Variants in CRB1 observed in about 807,000 individuals in gnomAD.
CRB1 encodes the protein protein crumbs homolog 1.
CRB1 carries 83 observed loss-of-function variants against 120.0 expected under a neutral mutation model. That is an observed-to-expected ratio of 0.69 (90% confidence interval 0.58 to 0.83). CRB1 has a LOEUF of 0.83. CRB1 is among the 40% of genes least tolerant of loss of function. The pLI is 0.00. For synonymous variants in CRB1, 625 were observed against 612.5 expected (o/e 1.02, Z -0.30); for missense variants, 1,699 against 1,687.6 (o/e 1.01, Z -0.12).
intron 4 of CRB1, among the ~76,000 whole-genome samples, chr1:197,354,487 T>A (rs1660316133): frequency 1.3e-5 from 2 of 152,118 alleles, no homozygotes; most frequent in Non-Finnish European, 2.9e-5. Context: ...TTCTTCTTTC[T>A]GGTGGGTTCG....
intron 1 of CRB1, among the ~76,000 whole-genome samples, chr1:197,303,589 T>C (rs1657002010): frequency 2.6e-5 from 4 of 151,624 alleles, no homozygotes; most frequent in African/African-American, 9.7e-5. Context: ...TGTCAAGTCA[T>C]CTCAAAGTCA....
intron 10 of CRB1, chr1:197,441,950 G>T: frequency 1.7e-6 from 1 of 591,386 alleles, no homozygotes; most frequent in Non-Finnish European, 3.0e-6. Context: ...GTGTGTATAT[G>T]TATATATATG....
chr1:197,201,631 G>A, the CRB1 span, among the ~76,000 whole-genome samples: 1 of 152,208 alleles, frequency 6.6e-6, no homozygotes, highest in Non-Finnish European at 1.5e-5. Context: ...AGGGGAGGAT[G>A]GACGCAGAGT....
Position 197,466,992 on chromosome 1 carries a change from A to T in CRB1, c.4006-10672A>T, listed in dbSNP as rs1666774853. On this transcript the variant is annotated intron_variant, in intron 11 of 11. Transcript: ENST00000367400. The stretch of plus-strand genomic sequence containing the variant: ...GAAACTAACATGTGATGTGATCCAT[A>T]TCTTAGTGTCTGGGAGAGGAGATAA... 2.6e-5 allele frequency among the ~76,000 whole-genome samples: 4 copies of T among 152,310 alleles called. No homozygotes were observed. In the South Asian group the frequency reaches 8.3e-4, roughly 32 times the overall value.
intron 11 of CRB1, among the ~76,000 whole-genome samples, chr1:197,463,729 C>T (rs1685702787): frequency 6.6e-6 from 1 of 152,094 alleles, no homozygotes. Flanking sequence ...ATCTAAAATG[C>T]CAGAAAATAT....
chr1:197,235,374 A>T, the CRB1 span, among the ~76,000 whole-genome samples: 3 of 152,190 alleles, frequency 2.0e-5, no homozygotes, highest in Non-Finnish European at 2.9e-5. Flanking sequence ...GAAAGAGGTT[A>T]TTGAGCCAGA....
At chr1:197,251,590 G>C in the CRB1 span, among the ~76,000 whole-genome samples, 2 of 151,960 alleles carry the variant, frequency 1.3e-5, no homozygotes, top group African/African-American at 4.8e-5. Flanking sequence ...CTTTTGTCAT[G>C]GCAAATGAAA....
rs111761880 is a variant in CRB1, at chr1:197,477,688, A to G, written c.4030A>G (p.Ile1344Val). ...GTTGGCAGATGACTTGATCTCCGAC[A>G]TTTTCACCACTATTGGCTCAGTGAC... The part of the protein sequence containing the change: ...VDLADDLISD[I>V]FTTIGSVTVA... Residue 1344 changes from isoleucine (I) to valine (V), a missense_variant, in exon 12 of 12, where the codon ATT (isoleucine) becomes GTT (valine). Ile to Val is a conservative substitution (Grantham distance 29, BLOSUM62 3). Transcript: ENST00000367400. 37 of 1,613,790 alleles carry G rather than the reference A, an allele frequency of 2.3e-5. 2 individuals are homozygous for G. The African/African-American group carries it at 4.1e-4, about 18-fold the overall frequency.
chr1:197,294,965 T>C (rs531123613), intron 1 of CRB1, among the ~76,000 whole-genome samples: 1 of 151,766 alleles, frequency 6.6e-6, no homozygotes, highest in South Asian at 2.1e-4. Flanking sequence ...AAATGACGAG[T>C]TAATGGGTGC....
chr1:197,228,375 C>T, the CRB1 span, among the ~76,000 whole-genome samples: 7 of 152,162 alleles, frequency 4.6e-5, no homozygotes, highest in Non-Finnish European at 1.0e-4. Context: ...GAAATTTCTT[C>T]CACCAGATAC....
intron 4 of CRB1, 78 bp downstream of exon 4, chr1:197,347,557 A>C: frequency 7.0e-7 from 1 of 1,431,010 alleles, no homozygotes; most frequent in East Asian, 2.3e-5. Context: ...AATGAAATGA[A>C]AAATTATTGT....
intron 5 of CRB1, among the ~76,000 whole-genome samples, chr1:197,404,394 A>T (rs1016316103): frequency 7.0e-6 from 1 of 142,168 alleles, no homozygotes; most frequent in African/African-American, 2.7e-5. Context: ...GTGAGCCGAG[A>T]TCCCGCCACT....
the CRB1 span, among the ~76,000 whole-genome samples, chr1:197,214,130 A>G: frequency 1.3e-5 from 2 of 151,976 alleles, no homozygotes; most frequent in Non-Finnish European, 2.9e-5. Flanking sequence ...GCGAAGGAGA[A>G]AAAAAAAGCT....
chr1:197,314,525 A>T (rs2125278383), intron 1 of CRB1, among the ~76,000 whole-genome samples: 1 of 152,262 alleles, frequency 6.6e-6, no homozygotes, highest in East Asian at 1.9e-4. Flanking sequence ...TATAGGTTAG[A>T]TCTAATAATT....
intron 11 of CRB1, among the ~76,000 whole-genome samples, chr1:197,471,133 G>A (rs547478368): frequency 6.6e-6 from 1 of 152,012 alleles, no homozygotes; most frequent in South Asian, 2.1e-4. Flanking sequence ...AATCATATCA[G>A]AAGGTTCCCA....
chr1:197,326,459 C>T (rs2125299579), intron 1 of CRB1, among the ~76,000 whole-genome samples: 1 of 152,060 alleles, frequency 6.6e-6, no homozygotes, highest in African/African-American at 2.4e-5. Context: ...GTGAAACCCC[C>T]ATCTCTACTA....
At chr1:197,376,364 A>T (rs982412553) in intron 5 of CRB1, among the ~76,000 whole-genome samples, 12 of 152,144 alleles carry the variant, frequency 7.9e-5, no homozygotes, top group Non-Finnish European at 1.8e-4. Context: ...TTATTTTTTT[A>T]TCTTCATGAA....
the CRB1 span, among the ~76,000 whole-genome samples, chr1:197,223,776 G>C: frequency 6.6e-6 from 1 of 152,074 alleles, no homozygotes; most frequent in Non-Finnish European, 1.5e-5. Context: ...CAGTCACTTA[G>C]TTTTGGAACT....
At position 197,453,778 on chromosome 1, in the gene CRB1, A is replaced by C. The variant is rs549121997; in HGVS notation, c.4005+11486A>C. Reference sequence around the variant, plus strand: ...TCTACTTCCTCTTCTTCTTATTATTATTATTATATTATTAATATATTAATA... The same window carrying C: ...TCTACTTCCTCTTCTTCTTATTATTCTTATTATATTATTAATATATTAATA... On this transcript the variant is annotated intron_variant, in intron 11 of 11. Transcript: ENST00000367400. Among the ~76,000 whole-genome samples the C allele has an allele frequency of 9.8e-3, 1,405 of 143,504 alleles. 16 individuals carry two copies. Among genetic ancestry groups the C allele is most frequent in the African/African-American group, 0.03 (1,172 of 39,190 alleles). The allele number at this position is 143,504 out of a possible 152,430, so 94.1% of individuals were successfully genotyped here.
Sources: allele counts gnomAD v4.1 joint callset (sites outside exome capture counted in the v4.1 genomes callset), GRCh38; gene constraint gnomAD v4.1.1; transcripts MANE v1.5; gene names NCBI Gene and HGNC (gene_info 2026-07-23, HGNC 2026-07-21).